The following ABCD3 variants were observed in gnomAD, a reference collection of about 807,000 sequenced individuals.
The protein encoded by ABCD3 is ATP binding cassette subfamily D member 3, also known as ATP-binding cassette sub-family D member 3.
Under a neutral mutation model 105.5 loss-of-function variants are expected in ABCD3, and 41 were observed. The observed-to-expected ratio is 0.39, with a 90% CI of 0.30 to 0.50. The LOEUF is 0.50. ABCD3 is among the 20% of genes least tolerant of loss of function. ABCD3 has a pLI of 0.84. For missense variants in ABCD3, 622 were observed against 806.3 expected (o/e 0.77, Z 2.77); for synonymous variants, 258 against 269.0 (o/e 0.96, Z 0.40).
intron 1 of ABCD3, among the ~76,000 whole-genome samples, chr1:94,421,601 A>G (rs192431251): frequency 1.2e-3 from 163 of 138,312 alleles, no homozygotes; most frequent in African/African-American, 3.9e-3. Flanking sequence ...TATTACAAAA[A>G]TATATGACTT....
chr1:94,487,962 G>A lies in ABCD3; in HGVS notation c.1136G>A (p.Arg379His), dbSNP rs1272799973. 7 of 1,613,506 alleles carry A rather than the reference G, an allele frequency of 4.3e-6. No individual in the cohort carries two copies. Among genetic ancestry groups the A allele is most frequent in the Middle Eastern group, 1.7e-4 (1 of 6,060 alleles). ...QALGRIVLAG[R>H]EMTRLAGFTA... Reference sequence around the variant, plus strand: ...CTGGGTCGAATAGTTTTGGCTGGGCGTGAAATGACTAGATTGGCCGGGTAA... The same window carrying A: ...CTGGGTCGAATAGTTTTGGCTGGGCATGAAATGACTAGATTGGCCGGGTAA... The change falls in exon 13 of 23, where the codon CGT becomes CAT. Residue 379 changes from arginine to histidine, a missense_variant. This residue lies in a region of ABCD3 where 285 missense variants were observed against 352.5 expected (regional missense o/e 0.81). Transcript: ENST00000370214.
chr1:94,501,253 T>C (rs777076341), intron 20 of ABCD3, among the ~76,000 whole-genome samples: 2 of 139,770 alleles, frequency 1.4e-5, no homozygotes, highest in African/African-American at 2.7e-5. Context: ...AGAGCAAGAC[T>C]CTGTCTCAAA....
chr1:94,499,097 TA>T, intron 19 of ABCD3, 63 bp downstream of exon 19: 1 of 1,404,650 alleles, frequency 7.1e-7, no homozygotes, highest in South Asian at 1.2e-5. Context: ...TTTAATCAAT[TA>T]AGTATTTTAA....
the ABCD3 span, among the ~76,000 whole-genome samples, chr1:94,393,872 A>G: frequency 2.8e-4 from 43 of 152,308 alleles, no homozygotes; most frequent in Non-Finnish European, 7.4e-5. Context: ...CCCATGTGGC[A>G]GGGAAATTTG....
chr1:94,413,694 G>C (rs1366611629), upstream of ABCD3, among the ~76,000 whole-genome samples: 1 of 152,078 alleles, frequency 6.6e-6, no homozygotes, highest in Non-Finnish European at 1.5e-5. Context: ...TTGGTAAGAG[G>C]GGCTTTTCAA....
At chr1:94,438,501 A>T (rs982507217) in intron 1 of ABCD3, among the ~76,000 whole-genome samples, 5 of 152,204 alleles carry the variant, frequency 3.3e-5, no homozygotes, top group African/African-American at 1.2e-4. Context: ...AAGATTTGAG[A>T]GGATTGATTG....
intron 1 of ABCD3, among the ~76,000 whole-genome samples, chr1:94,456,255 ATTTTTTTTTTTTTTT>A (rs71094301): frequency 4.2e-4 from 19 of 44,958 alleles, no homozygotes; most frequent in East Asian, 3.0e-3. Context: ...AAATGACAGA[ATTTTTTTTTTTTTTT>A]TTTTTTTTTT....
chr1:94,419,671 G>A (rs1411322864), intron 1 of ABCD3, among the ~76,000 whole-genome samples: 1 of 151,876 alleles, frequency 6.6e-6, no homozygotes, highest in South Asian at 2.1e-4. Flanking sequence ...GTAAAATTTG[G>A]GCTAAAACAC....
intron 4 of ABCD3, 25 bp downstream of exon 4, chr1:94,468,032 T>G (rs1648237085): frequency 6.7e-6 from 10 of 1,496,592 alleles, no homozygotes; most frequent in Non-Finnish European, 9.3e-6. Flanking sequence ...ACCTTCCTCC[T>G]ATATGTATGA....
At chr1:94,467,610 C>T (rs1648214305) in intron 3 of ABCD3, among the ~76,000 whole-genome samples, 1 of 152,276 alleles carries the variant, frequency 6.6e-6, no homozygotes, top group African/African-American at 2.4e-5. Context: ...TCTAGGTAAT[C>T]TAAGTTACAT....
chr1:94,391,162 C>T, the ABCD3 span, among the ~76,000 whole-genome samples: 7 of 152,294 alleles, frequency 4.6e-5, no homozygotes, highest in African/African-American at 1.7e-4. Flanking sequence ...TGTGAAATGA[C>T]TTATCTGGAA....
At chr1:94,407,042 C>A in the ABCD3 span, among the ~76,000 whole-genome samples, 1 of 152,046 alleles carries the variant, frequency 6.6e-6, no homozygotes, top group Non-Finnish European at 1.5e-5. Context: ...ACAACAACAA[C>A]AACAACAACA....
chr1:94,505,959 T>C (rs1650330774), intron 20 of ABCD3, among the ~76,000 whole-genome samples: 1 of 152,178 alleles, frequency 6.6e-6, no homozygotes, highest in Non-Finnish European at 1.5e-5. Flanking sequence ...GGAACATAAA[T>C]GTAGGAAAAT....
chr1:94,387,061 T>C, the ABCD3 span, among the ~76,000 whole-genome samples: 1 of 152,220 alleles, frequency 6.6e-6, no homozygotes, highest in Admixed American at 6.5e-5. Flanking sequence ...ATTATTTAGC[T>C]TTGGTTCTGT....
At chr1:94,511,147 G>A (rs985730958) in intron 21 of ABCD3, among the ~76,000 whole-genome samples, 83 of 152,064 alleles carry the variant, frequency 5.5e-4, no homozygotes, top group African/African-American at 1.8e-3. Flanking sequence ...TCCTTTCCAT[G>A]TTTAGTGCTT....
chr1:94,506,695 A>T, intron 21 of ABCD3, 53 bp downstream of exon 21: 6 of 1,295,684 alleles, frequency 4.6e-6, no homozygotes, highest in Non-Finnish European at 6.7e-6. Flanking sequence ...CCTAGTGTAA[A>T]CTATGTCCAA....
intron 4 of ABCD3, among the ~76,000 whole-genome samples, chr1:94,468,891 TA>T (rs11354172): frequency 0.96 from 145,599 of 152,230 alleles, 70,031 homozygotes; most frequent in East Asian, 1. Flanking sequence ...CTTGTATGTA[TA>T]AGGATTAAAG....
At chr1:94,422,627 T>C (rs1330986465) in intron 1 of ABCD3, among the ~76,000 whole-genome samples, 1 of 152,228 alleles carries the variant, frequency 6.6e-6, no homozygotes, top group Non-Finnish European at 1.5e-5. Context: ...TTTAATTCCC[T>C]AGTTCGGCTC....
intron 1 of ABCD3, among the ~76,000 whole-genome samples, chr1:94,449,676 A>T (rs1161028400): frequency 6.6e-6 from 1 of 152,246 alleles, no homozygotes; most frequent in Admixed American, 6.5e-5. Context: ...CAGAACAGGC[A>T]GAGGTGCTGC....
Sources: gnomAD v4.1 joint callset for allele counts (sites outside exome capture counted in the v4.1 genomes callset) on GRCh38, gnomAD v4.1.1 for gene constraint, gnomAD v4.1.1 regional missense constraint, MANE v1.5 for transcripts, NCBI Gene and HGNC (gene_info 2026-07-23, HGNC 2026-07-21) for gene names.